The following NCOA3 variants were observed in gnomAD, a reference collection of about 807,000 sequenced individuals.
The protein encoded by NCOA3 is nuclear receptor coactivator 3.
A neutral mutation model predicts 158.8 loss-of-function variants in NCOA3; 51 were observed. The observed-to-expected ratio is 0.32, with a 90% CI of 0.26 to 0.41. The LOEUF is 0.41. Ranked by LOEUF, NCOA3 falls within the 10% of genes least tolerant of loss-of-function variation. The pLI, the probability that NCOA3 is intolerant of heterozygous loss-of-function variation, is 1.00. For missense variants in NCOA3, 1,510 were observed against 1,746.6 expected, an observed-to-expected ratio of 0.86 and a Z score of 2.41; for synonymous variants, 537 against 592.4, an observed-to-expected ratio of 0.91 and a Z score of 1.36.
chr20:47,556,157 A>G (rs1206874), intron 1 of NCOA3, among the ~76,000 whole-genome samples: 2,783 of 146,646 alleles, frequency 0.019, 91 homozygotes, highest in African/African-American at 0.066. Flanking sequence ...CTGGTCTCGA[A>G]CTCTTGAGCT....
chr20:47,542,013 T>TTTTG lies in NCOA3; in HGVS notation c.-99+39997_-99+39998insGTTT, dbSNP rs773736730. Among the ~76,000 whole-genome samples, 18 of 109,734 alleles carry TTTTG rather than the reference T, an allele frequency of 1.6e-4. 1 individual carries two copies. Among genetic ancestry groups the TTTTG allele is most frequent in the Admixed American group, 3.6e-4 (4 of 11,122 alleles). The allele number at this position is 109,734 out of a possible 152,430, so 72.0% of individuals were successfully genotyped here. ...AATTATTTTTTGCCCTGTAGAGTTT[T>TTTTG]TTTTTTTTTTTTTTTTTGTTGTTGT... is the stretch of plus-strand genomic sequence containing the variant. On this transcript the variant is annotated intron_variant, in intron 1 of 22. Transcript: ENST00000371998.
At chr20:47,585,926 G>GT (rs61328257) in intron 2 of NCOA3, among the ~76,000 whole-genome samples, 1,410 of 135,572 alleles carry the variant, frequency 0.01, 13 homozygotes, top group Middle Eastern at 0.03. Context: ...ATCTCCACAG[G>GT]TTTTTTTTTT....
chr20:47,634,000 T>C, intron 9 of NCOA3, 48 bp from the exon 10 acceptor site: 1 of 1,606,544 alleles, frequency 6.2e-7, no homozygotes, highest in Non-Finnish European at 8.5e-7. Context: ...CTATATATAT[T>C]TGTTTTGCTG....
At chr20:47,505,064 C>T (rs368790126) in intron 1 of NCOA3, among the ~76,000 whole-genome samples, 78 of 27,016 alleles carry the variant, frequency 2.9e-3, no homozygotes, top group South Asian at 7.9e-3. Flanking sequence ...TCTTTTCTTT[C>T]TTTTTTTTTT....
chr20:47,636,593 C>A lies in NCOA3; in HGVS notation c.2207C>A (p.Ala736Glu). 1 of 1,614,156 alleles carries A rather than the reference C, an allele frequency of 6.2e-7. No homozygotes were observed. Among genetic ancestry groups the A allele is most frequent in the Non-Finnish European group, 8.5e-7 (1 of 1,180,008 alleles). Residue 736 changes from alanine to glutamate, a missense_variant, in exon 12 of 23, where the codon GCA (alanine) becomes GAA (glutamate). Coordinates refer to ENST00000371998, the MANE Select transcript of NCOA3 (RefSeq NM_181659.3). ...AGTCCTAAGAAGAAGGAGAATAATG[C>A]ACTTCTTAGATACCTGCTGGACAGG... ...QLSPKKKENN[A>E]LLRYLLDRDD...
intron 1 of NCOA3, among the ~76,000 whole-genome samples, chr20:47,578,910 C>T (rs1193094490): frequency 2.6e-5 from 4 of 152,128 alleles, no homozygotes; most frequent in African/African-American, 9.7e-5. Context: ...TCATGTTCAA[C>T]AGTAAAAGAA....
intron 1 of NCOA3, among the ~76,000 whole-genome samples, chr20:47,535,258 T>G (rs1284179784): frequency 6.6e-6 from 1 of 152,120 alleles, no homozygotes; most frequent in Non-Finnish European, 1.5e-5. Flanking sequence ...GGACAGGTCG[T>G]GAGGAGTGTT....
intron 1 of NCOA3, among the ~76,000 whole-genome samples, chr20:47,528,639 A>G (rs2146101192): frequency 6.6e-6 from 1 of 152,250 alleles, no homozygotes; most frequent in East Asian, 1.9e-4. Flanking sequence ...TACTGACTTG[A>G]ATTAGGTTTT....
intron 1 of NCOA3, among the ~76,000 whole-genome samples, chr20:47,580,303 G>T (rs924028719): frequency 6.6e-6 from 1 of 151,988 alleles, no homozygotes; most frequent in Non-Finnish European, 1.5e-5. Flanking sequence ...GGTGGCTCAT[G>T]CCTGTAATCC....
chr20:47,623,426 A>G (rs999411004), intron 3 of NCOA3, among the ~76,000 whole-genome samples: 11 of 152,198 alleles, frequency 7.2e-5, no homozygotes, highest in East Asian at 1.9e-4. Flanking sequence ...AATCTCTATT[A>G]TGTTGTACTA....
chr20:47,617,515 T>G (rs909361000), intron 2 of NCOA3, among the ~76,000 whole-genome samples: 7 of 152,220 alleles, frequency 4.6e-5, no homozygotes, highest in African/African-American at 1.7e-4. Context: ...ATCTATTGTG[T>G]CTGTGCTAGG....
chr20:47,515,218 A>C (rs1403290636), intron 1 of NCOA3, among the ~76,000 whole-genome samples: 1 of 151,282 alleles, frequency 6.6e-6, no homozygotes, highest in Non-Finnish European at 1.5e-5. Context: ...CCTGGAGTGC[A>C]GTGGCACGAT....
At chr20:47,598,904 T>C (rs934689957) in intron 2 of NCOA3, among the ~76,000 whole-genome samples, 20 of 152,262 alleles carry the variant, frequency 1.3e-4, no homozygotes, top group African/African-American at 4.8e-4. Context: ...TGACAGTGGT[T>C]CCATAAGATT....
At chr20:47,650,935 C>A in intron 19 of NCOA3, 47 bp from the exon 20 acceptor site, 1 of 1,559,312 alleles carries the variant, frequency 6.4e-7, no homozygotes, top group Non-Finnish European at 8.8e-7. Flanking sequence ...ATGCAACTGG[C>A]AGGTTCTTGC....
intron 17 of NCOA3, among the ~76,000 whole-genome samples, chr20:47,644,688 C>T (rs994832875): frequency 6.6e-6 from 1 of 151,778 alleles, no homozygotes; most frequent in Non-Finnish European, 1.5e-5. Flanking sequence ...TATTTCAGGA[C>T]TCCCCAAATT....
chr20:47,611,236 CAG>C (rs756846106), intron 2 of NCOA3, among the ~76,000 whole-genome samples: 1 of 152,130 alleles, frequency 6.6e-6, no homozygotes, highest in African/African-American at 2.4e-5. Context: ...TAATTTATAT[CAG>C]ATTTCATTTC....
At chr20:47,614,775 AGT>A (rs1197831925) in intron 2 of NCOA3, among the ~76,000 whole-genome samples, 1 of 152,186 alleles carries the variant, frequency 6.6e-6, no homozygotes, top group Non-Finnish European at 1.5e-5. Context: ...CACGAAGGGC[AGT>A]TTAGTGACAT....
intron 12 of NCOA3, 96 bp downstream of exon 12, chr20:47,636,858 G>T: frequency 8.7e-7 from 1 of 1,155,484 alleles, no homozygotes; most frequent in Non-Finnish European, 1.2e-6. Context: ...TTTATTTAAA[G>T]AAAGTTAAAT....
rs183621958 is a variant in NCOA3, at chr20:47,523,201, A to C, written c.-99+21182A>C. On this transcript the variant is annotated intron_variant, in intron 1 of 22. Coordinates refer to ENST00000371998, the MANE Select transcript of NCOA3 (RefSeq NM_181659.3). ...CCTCCGTCTCAAAACAAAACAAAAA[A>C]CCACGAAAACTTCCCAAGGACCCCT... 1.7e-3 allele frequency among the ~76,000 whole-genome samples: 264 copies of C among 152,172 alleles called. 1 individual carries two copies. The highest frequency in any genetic ancestry group is 2.7e-3 in the Non-Finnish European group (181 of 68,004).
Sources: gnomAD v4.1 joint callset for allele counts (sites outside exome capture counted in the v4.1 genomes callset) on GRCh38, gnomAD v4.1.1 for gene constraint, MANE v1.5 for transcripts, NCBI Gene and HGNC (gene_info 2026-07-23, HGNC 2026-07-21) for gene names.